The following CRTC2 variants were observed in gnomAD, a reference collection of about 807,000 sequenced individuals.
The protein encoded by CRTC2 is CREB-regulated transcription coactivator 2.
A neutral mutation model predicts 70.9 loss-of-function variants in CRTC2; 25 were observed. The ratio of observed to expected loss-of-function variants is 0.35; its 90% CI spans 0.26 to 0.49. The LOEUF (loss-of-function observed/expected upper bound fraction) is 0.49. Ranked by LOEUF, CRTC2 falls within the 20% of genes least tolerant of loss-of-function variation. CRTC2 has a pLI of 0.98. For synonymous variants in CRTC2, 330 were observed against 364.1 expected (o/e 0.91, Z 1.07); for missense variants, 737 against 882.6 (o/e 0.83, Z 2.09).
rs770244928 is a variant in CRTC2, at chr1:153,951,650, G to A, written c.1014C>T (p.Leu338=). Residue 338 remains leucine, a synonymous_variant, in exon 11 of 14, where the codon CTC becomes CTT. Coordinates refer to ENST00000368633, the MANE Select transcript of CRTC2 (RefSeq NM_181715.3). ...GYDAPGLHSP[L]SHPSLQSSLS... is the part of the protein sequence containing the mutation. The stretch of plus-strand genomic sequence containing the variant: ...GGGAGGACTGCAGGGATGGGTGGCT[G>A]AGAGGTGAATGAAGTCCTGCAGGCA... 1.9e-6 allele frequency: 3 copies of A among 1,613,514 alleles called. No homozygotes were observed. The highest frequency in any genetic ancestry group is 2.5e-6 in the Non-Finnish European group (3 of 1,179,804).
intron 11 of CRTC2, 140 bp from the exon 12 acceptor site, chr1:153,949,524 G>T: frequency 1.1e-6 from 1 of 912,156 alleles, no homozygotes; most frequent in Non-Finnish European, 1.6e-6. Context: ...GGCATCCCTG[G>T]GGTTGAGTGC....
chr1:153,949,339 G>A lies in CRTC2; in HGVS notation c.1450C>T (p.Pro484Ser), dbSNP rs760543069. 3.1e-6 allele frequency: 5 copies of A among 1,613,654 alleles called. No homozygotes were observed. In the Admixed American group the frequency reaches 6.7e-5, roughly 22 times the overall value. The change falls in exon 12 of 14, where the codon CCC (proline) becomes TCC (serine). Residue 484 changes from proline to serine, a missense_variant. Pro to Ser is a moderately conservative substitution (Grantham distance 74). Around this residue, in one of 3 missense-constraint regions of CRTC2, gnomAD observed 699 missense variants for 823.7 expected, o/e 0.85. Coordinates refer to ENST00000368633, the MANE Select transcript of CRTC2 (RefSeq NM_181715.3). The part of the protein sequence containing the change: ...TSKLSTDQRL[P>S]PYPYSSPSLV... The stretch of plus-strand genomic sequence containing the variant: ...CTTGGGGAGCTGTATGGGTATGGGG[G>A]TAACCGCTGGTCAGTGGACAGTTTA...
In CRTC2 at chr1:153,951,882, T is replaced by C. The variant is rs1430777851; in HGVS notation, c.997+136A>G. On this transcript the variant is annotated intron_variant, in intron 10 of 13. Coordinates refer to ENST00000368633, the MANE Select transcript of CRTC2 (RefSeq NM_181715.3). ...AGTTATCACTGGCTGAGAACTGCCG[T>C]GAGGGAATCCTGGGGTGCAGAGGTG... is the stretch of plus-strand genomic sequence containing the variant. 7 of 1,291,002 alleles carry C rather than the reference T, an allele frequency of 5.4e-6. No homozygotes were observed. The African/African-American group carries it at 1.0e-4, about 19-fold the overall frequency. The allele number at this position is 1,291,002 out of a possible 1,614,324, so 80.0% of individuals were successfully genotyped here. A position where few individuals can be genotyped will look rare whatever the true frequency, so the allele number is the denominator to read the frequency against.
In CRTC2 at chr1:153,952,261, T is replaced by C. The variant is rs1680369301; in HGVS notation, c.754A>G (p.Ile252Val). ...PRSCEVPGIN[I>V]FPSPDQPANV... ...GCAGGCTGGTCAGGAGATGGAAAGA[T>C]GCTAGGGGAAGGAGAGAAAAAGAAA... The change falls in exon 10 of 14, where the codon ATC (isoleucine) becomes GTC (valine). Residue 252 changes from isoleucine (I) to valine (V), a missense_variant and splice_region_variant. This residue lies in a region of CRTC2 where 699 missense variants were observed against 823.7 expected (regional missense o/e 0.85). Coordinates refer to ENST00000368633, the MANE Select transcript of CRTC2 (RefSeq NM_181715.3). 3 of 1,604,438 alleles carry C rather than the reference T, an allele frequency of 1.9e-6. No homozygotes were observed. Among genetic ancestry groups the C allele is most frequent in the Non-Finnish European group, 2.6e-6 (3 of 1,173,946 alleles).
chr1:153,948,283 G>A lies in CRTC2; in HGVS notation c.1908C>T (p.Ala636=), dbSNP rs138788943. The A allele has an allele frequency of 3.5e-5, 57 of 1,614,124 alleles. No homozygotes were observed. The highest frequency in any genetic ancestry group is 1.5e-4 in the African/African-American group (11 of 74,944). The change falls in exon 14 of 14, where the codon GCC becomes GCT. Residue 636 remains alanine, a synonymous_variant. Transcript: ENST00000368633. ...GFSKEIAAAL[A]GVPGFEVSAA... ...CTGACACCTCAAAGCCAGGCACTCC[G>A]GCCAGGGCTGCTGCAATCTCCTTAG... is the stretch of plus-strand genomic sequence containing the variant.
chr1:153,952,469 G>A (rs761310726), intron 8 of CRTC2, 23 bp from the exon 9 acceptor site: 52 of 1,613,866 alleles, frequency 3.2e-5, no homozygotes, highest in Non-Finnish European at 4.0e-5. Flanking sequence ...GGGAGAATAT[G>A]GAAAATGAGG....
chr1:153,950,518 G>A (rs1195743961), intron 11 of CRTC2, among the ~76,000 whole-genome samples: 4 of 152,148 alleles, frequency 2.6e-5, no homozygotes, highest in African/African-American at 9.7e-5. Flanking sequence ...AGGGAAAAGA[G>A]CATTTGGATG....
chr1:153,953,319 TG>T lies in CRTC2; in HGVS notation c.553del (p.Gln185ArgfsTer37). ...LHTSVMNPSP[Q>X]DTYPGPTPPS... ...AGGTGTGGGGCCTGGGTAGGTATCC[TG>T]GGGACTGGGGTTCATCACACTTGTA... On this transcript the variant is annotated frameshift_variant, in exon 6 of 14. Transcript: ENST00000368633. LOFTEE classifies it high-confidence loss of function. 2 of 1,597,588 alleles carry T rather than the reference TG, an allele frequency of 1.3e-6. No homozygotes were observed. The highest frequency in any genetic ancestry group is 3.6e-5 in the Admixed American group (2 of 55,046).
chr1:153,958,014 T>G, intron 1 of CRTC2: 1 of 1,201,968 alleles, frequency 8.3e-7, no homozygotes, highest in Non-Finnish European at 1.0e-6. Flanking sequence ...CATGCTTCAG[T>G]AGCGTCCTCG....
chr1:153,949,529 G>A, intron 11 of CRTC2, 145 bp from the exon 12 acceptor site: 2 of 855,216 alleles, frequency 2.3e-6, no homozygotes, highest in South Asian at 1.9e-5. Context: ...CCCTGGGGTT[G>A]AGTGCAGTTA....
chr1:153,950,582 C>G (rs1285485756), intron 11 of CRTC2, among the ~76,000 whole-genome samples: 1 of 152,158 alleles, frequency 6.6e-6, no homozygotes, highest in Non-Finnish European at 1.5e-5. Context: ...GGAAGGGAGA[C>G]AAGGGCTAAG....
intron 1 of CRTC2, among the ~76,000 whole-genome samples, chr1:153,957,401 T>C (rs894717128): frequency 5.3e-5 from 8 of 152,196 alleles, no homozygotes; most frequent in Non-Finnish European, 8.8e-5. Context: ...CCTTACCTAC[T>C]GTTGTTTTAG....
chr1:153,951,936 T>C, intron 10 of CRTC2, 82 bp downstream of exon 10: 2 of 1,529,170 alleles, frequency 1.3e-6, no homozygotes, highest in East Asian at 2.3e-5. Context: ...CACAGCAGGA[T>C]CTCAGGTGCT....
intron 11 of CRTC2, 138 bp downstream of exon 11, chr1:153,951,122 A>T (rs1259166607): frequency 8.4e-6 from 8 of 949,974 alleles, no homozygotes; most frequent in Non-Finnish European, 1.3e-5. Flanking sequence ...TGGATAAAAG[A>T]TGGGGCAGGC....
At position 153,951,449 on chromosome 1, in the gene CRTC2, G is replaced by GGAGGAGGAGGAA. The variant is rs752337255; in HGVS notation, c.1203_1214dup (p.Ser402_Ser405dup). 9 of 1,601,056 alleles carry GGAGGAGGAGGAA rather than the reference G, an allele frequency of 5.6e-6. No homozygotes were observed. In the South Asian group the frequency reaches 1.0e-4, roughly 18 times the overall value. ...GGGCGCCCAAAACAGGAGATGAAGTGGAGGAGGAGGAAGAGGAGGAGGAGA... is the reference window on the plus strand; with the variant it reads ...GGGCGCCCAAAACAGGAGATGAAGTGGAGGAGGAGGAAGAGGAGGAGGAAGAGGAGGAGGAGA... On this transcript the variant is annotated inframe_insertion, in exon 11 of 14. Coordinates refer to ENST00000368633, the MANE Select transcript of CRTC2 (RefSeq NM_181715.3).
rs1462293706 is a variant in CRTC2, at chr1:153,953,568, T to C, written c.473A>G (p.Gln158Arg). The change falls in exon 5 of 14, where the codon CAG becomes CGG. Residue 158 changes from glutamine (Q) to arginine (R), a missense_variant. Gln to Arg is a conservative substitution (Grantham distance 43). Coordinates refer to ENST00000368633, the MANE Select transcript of CRTC2 (RefSeq NM_181715.3). ...AAGTGCAGATGGTAGTCGAAACAAC[T>C]GCCCCTTCTCTGCAGGGAAATTGCC... ...AWGNFPAEKGQLFRLPSALNR... is the reference protein window; with the variant it reads ...AWGNFPAEKGRLFRLPSALNR... 4 of 1,611,098 alleles carry C rather than the reference T, an allele frequency of 2.5e-6. No individual in the cohort carries two copies. The African/African-American group carries it at 4.0e-5, about 16-fold the overall frequency.
intron 1 of CRTC2, among the ~76,000 whole-genome samples, chr1:153,957,830 G>A (rs146388809): frequency 2.3e-3 from 345 of 152,272 alleles, no homozygotes; most frequent in South Asian, 7.5e-3. Context: ...GACGCAGGAG[G>A]GGACTTCCTG....
intron 10 of CRTC2, 44 bp downstream of exon 10, chr1:153,951,974 G>C: frequency 6.3e-7 from 1 of 1,587,906 alleles, no homozygotes; most frequent in Non-Finnish European, 8.6e-7. Context: ...CATCCCTCCA[G>C]TCAGGCAGCA....
chr1:153,952,415 C>T lies in CRTC2; in HGVS notation c.734G>A (p.Cys245Tyr). Residue 245 changes from cysteine (C) to tyrosine (Y), a missense_variant, in exon 9 of 14, where the codon TGT becomes TAT. Coordinates refer to ENST00000368633, the MANE Select transcript of CRTC2 (RefSeq NM_181715.3). ...TACTTACTTAATTCCAGGGACTTCA[C>T]AGGACCGAGGTCGGGAAGAGGATGA... is the stretch of plus-strand genomic sequence containing the variant. Reference protein sequence around the residue: ...LSSSSSRPRSCEVPGINIFPS... With the variant: ...LSSSSSRPRSYEVPGINIFPS... 3.7e-6 allele frequency: 6 copies of T among 1,614,172 alleles called. No individual in the cohort carries two copies. The highest frequency in any genetic ancestry group is 2.2e-5 in the East Asian group (1 of 44,886).
Sources: gnomAD v4.1 joint callset for allele counts (sites outside exome capture counted in the v4.1 genomes callset) on GRCh38, gnomAD v4.1.1 for gene constraint, gnomAD v4.1.1 regional missense constraint, MANE v1.5 for transcripts, NCBI Gene and HGNC (gene_info 2026-07-23, HGNC 2026-07-21) for gene names.